Variants in PABPC4L observed in about 807,000 individuals in gnomAD.
PABPC4L encodes the protein polyadenylate-binding protein 4-like.
For missense variants in PABPC4L, 452 were observed against 451.4 expected (o/e 1.00, Z -0.01); for synonymous variants, 169 against 164.1 (o/e 1.03, Z -0.23).
the PABPC4L span, among the ~76,000 whole-genome samples, chr4:134,059,233 C>A: frequency 6.6e-6 from 1 of 151,764 alleles, no homozygotes; most frequent in Non-Finnish European, 1.5e-5. Flanking sequence ...AATGAAACCT[C>A]TTTTCATCTA....
chr4:134,037,775 C>T, the PABPC4L span, among the ~76,000 whole-genome samples: 3 of 152,196 alleles, frequency 2.0e-5, no homozygotes, highest in African/African-American at 7.2e-5. Context: ...CAAAAAGAAA[C>T]AATTTGACTT....
At chr4:134,041,813 T>C in the PABPC4L span, among the ~76,000 whole-genome samples, 2 of 152,236 alleles carry the variant, frequency 1.3e-5, no homozygotes, top group East Asian at 1.9e-4. Context: ...AGAATGCTTA[T>C]ACACTGCTGG....
At chr4:134,035,226 AG>A in the PABPC4L span, among the ~76,000 whole-genome samples, 1 of 152,056 alleles carries the variant, frequency 6.6e-6, no homozygotes, top group African/African-American at 2.4e-5. Context: ...ATCACTTAAT[AG>A]ACTACAGTAT....
the PABPC4L span, among the ~76,000 whole-genome samples, chr4:134,060,501 C>A: frequency 6.6e-6 from 1 of 151,530 alleles, no homozygotes; most frequent in Non-Finnish European, 1.5e-5. Context: ...TCTTGAATAC[C>A]AGCTTAGTCA....
chr4:133,949,280 A>G, the PABPC4L span, among the ~76,000 whole-genome samples: 284 of 152,308 alleles, frequency 1.9e-3, 1 homozygote, highest in African/African-American at 6.6e-3. Flanking sequence ...GCTTATGACA[A>G]CTGCCTTTGG....
At chr4:133,983,993 GGTAAATTATATAT>G in the PABPC4L span, among the ~76,000 whole-genome samples, 2 of 151,734 alleles carry the variant, frequency 1.3e-5, no homozygotes, top group Admixed American at 6.6e-5. Context: ...AATCTATATA[GGTAAATTATATAT>G]GTAATCTAGT....
the PABPC4L span, among the ~76,000 whole-genome samples, chr4:134,161,464 A>G: frequency 5.9e-3 from 900 of 152,260 alleles, 11 homozygotes; most frequent in African/African-American, 0.02. Context: ...AGGAGTTAAA[A>G]TACATCTGGA....
the PABPC4L span, among the ~76,000 whole-genome samples, chr4:134,177,407 C>T: frequency 6.6e-6 from 1 of 151,968 alleles, no homozygotes; most frequent in African/African-American, 2.4e-5. Flanking sequence ...ATCTCTTGAA[C>T]TTGCGATCCG....
the PABPC4L span, among the ~76,000 whole-genome samples, chr4:133,979,390 G>C: frequency 1.3e-5 from 2 of 152,112 alleles, no homozygotes; most frequent in Non-Finnish European, 2.9e-5. Context: ...GGAGTAGGAG[G>C]AACCCTGAGA....
At chr4:134,179,660 A>G in the PABPC4L span, among the ~76,000 whole-genome samples, 1 of 152,252 alleles carries the variant, frequency 6.6e-6, no homozygotes, top group African/African-American at 2.4e-5. Flanking sequence ...ATGCAATGAC[A>G]CCTATAGGCT....
At chr4:134,072,827 C>T in the PABPC4L span, among the ~76,000 whole-genome samples, 9 of 152,036 alleles carry the variant, frequency 5.9e-5, no homozygotes, top group Non-Finnish European at 8.8e-5. Flanking sequence ...AGATAGCTGA[C>T]GAGCACAAGG....
chr4:134,154,132 A>G, the PABPC4L span, among the ~76,000 whole-genome samples: 18 of 152,228 alleles, frequency 1.2e-4, no homozygotes, highest in African/African-American at 4.1e-4. Flanking sequence ...CTTATAGGAA[A>G]CATTGACTCC....
chr4:133,958,061 G>A, the PABPC4L span, among the ~76,000 whole-genome samples: 3 of 152,162 alleles, frequency 2.0e-5, no homozygotes, highest in Admixed American at 2.0e-4. Context: ...CATTACTTAT[G>A]CAAATTTATG....
At chr4:133,960,172 C>A in the PABPC4L span, among the ~76,000 whole-genome samples, 1 of 152,128 alleles carries the variant, frequency 6.6e-6, no homozygotes, top group Non-Finnish European at 1.5e-5. Flanking sequence ...TGGGGAATCC[C>A]AAAAGGACCC....
chr4:134,191,380 C>T (rs1729507369), downstream of PABPC4L, among the ~76,000 whole-genome samples: 1 of 152,068 alleles, frequency 6.6e-6, no homozygotes, highest in Admixed American at 6.6e-5. Flanking sequence ...CCAATAACAG[C>T]AGAATGCACA....
chr4:134,074,447 C>T, the PABPC4L span, among the ~76,000 whole-genome samples: 1 of 152,130 alleles, frequency 6.6e-6, no homozygotes, highest in East Asian at 1.9e-4. Context: ...GTCTTCTGAG[C>T]CCTCCAAGTC....
chr4:133,986,329 A>C, the PABPC4L span, among the ~76,000 whole-genome samples: 13 of 152,166 alleles, frequency 8.5e-5, no homozygotes, highest in African/African-American at 2.9e-4. Context: ...ATAGCAAAAC[A>C]AACCAGAAGC....
the PABPC4L span, among the ~76,000 whole-genome samples, chr4:134,175,304 A>G: frequency 6.6e-6 from 1 of 152,060 alleles, no homozygotes; most frequent in Non-Finnish European, 1.5e-5. Context: ...TTAAAATGTG[A>G]ATTACATGTG....
chr4:133,994,372 G>T, the PABPC4L span, among the ~76,000 whole-genome samples: 1 of 152,040 alleles, frequency 6.6e-6, no homozygotes, highest in Non-Finnish European at 1.5e-5. Flanking sequence ...ATTAGAAAGG[G>T]GTCTACAGAG....
Sources: gnomAD v4.1 joint callset for allele counts (sites outside exome capture counted in the v4.1 genomes callset) on GRCh38, gnomAD v4.1.1 for gene constraint, MANE v1.5 for transcripts, NCBI Gene and HGNC (gene_info 2026-07-23, HGNC 2026-07-21) for gene names.